The following TDRD10 variants were observed in gnomAD, a reference collection of about 807,000 sequenced individuals.
TDRD10 encodes tudor domain-containing protein 10.
Under a neutral mutation model 48.0 loss-of-function variants are expected in TDRD10, and 40 were observed. The observed-to-expected ratio is 0.83, with a 90% CI of 0.65 to 1.09. The LOEUF is 1.09. Ranked by LOEUF, TDRD10 falls within the 50% of genes least tolerant of loss-of-function variation. The pLI is 0.00. For missense variants in TDRD10, 378 were observed against 434.7 expected, an observed-to-expected ratio of 0.87 and a Z score of 1.16; for synonymous variants, 162 against 170.4, an observed-to-expected ratio of 0.95 and a Z score of 0.38.
At position 154,548,076 on chromosome 1, in the gene TDRD10, T is replaced by G. The variant is rs565303113; in HGVS notation, c.*366T>G. 5.4e-5 allele frequency: 16 copies of G among 296,374 alleles called. No individual in the cohort carries two copies. The Admixed American group carries it at 7.6e-4, about 14-fold the overall frequency. The allele number at this position is 296,374 out of a possible 1,614,324, so 18.4% of individuals were successfully genotyped here. ...TAATGGAGAAGCCCTCTGCTGGTTT[T>G]CCTGGCATTCCATGTAGAATAGGTA... On this transcript the variant is annotated 3_prime_UTR_variant, in exon 13 of 13. Transcript: ENST00000368482.
intron 6 of TDRD10, among the ~76,000 whole-genome samples, chr1:154,540,157 C>G (rs889551674): frequency 3.3e-5 from 5 of 152,192 alleles, no homozygotes. Flanking sequence ...TCACAGTCCT[C>G]AGGTGATTGG....
At chr1:154,544,743 C>A in intron 10 of TDRD10, 52 bp from the exon 11 acceptor site, 1 of 1,593,872 alleles carries the variant, frequency 6.3e-7, no homozygotes, top group Non-Finnish European at 8.6e-7. Context: ...GACTGCTGTG[C>A]ATGGCACTAG....
Position 154,530,666 on chromosome 1 carries a change from T to C in TDRD10, c.369+9187T>C, listed in dbSNP as rs116850321. Among the ~76,000 whole-genome samples, 136 of 152,162 alleles carry C rather than the reference T, an allele frequency of 8.9e-4. 2 individuals are homozygous for C. In the East Asian group the frequency reaches 0.02, roughly 22 times the overall value. On this transcript the variant is annotated intron_variant, in intron 6 of 12. Coordinates refer to ENST00000368482, the MANE Select transcript of TDRD10 (RefSeq NM_182499.4). Reference sequence around the variant, plus strand: ...AGTTTAATTGTGATATGTCTTGGCATTTCTTTGTATTTTTACTGTTGTGGG... The same window carrying C: ...AGTTTAATTGTGATATGTCTTGGCACTTCTTTGTATTTTTACTGTTGTGGG...
At chr1:154,547,105 C>T (rs923778365) in intron 11 of TDRD10, among the ~76,000 whole-genome samples, 88 of 152,158 alleles carry the variant, frequency 5.8e-4, no homozygotes, top group Non-Finnish European at 3.2e-4. Flanking sequence ...GTTCAGTGAA[C>T]GTGATTTTCT....
chr1:154,537,028 G>A (rs1346020700), intron 6 of TDRD10, among the ~76,000 whole-genome samples: 2 of 152,102 alleles, frequency 1.3e-5, no homozygotes, highest in African/African-American at 2.4e-5. Context: ...GCCCTGGGGC[G>A]GCCCCCCAGA....
intron 3 of TDRD10, 81 bp from the exon 4 acceptor site, chr1:154,508,342 C>T (rs901406694): frequency 1.1e-6 from 1 of 948,420 alleles, no homozygotes; most frequent in African/African-American, 1.6e-5. Flanking sequence ...TAGAGAGACC[C>T]TGTCTCTATC....
intron 4 of TDRD10, among the ~76,000 whole-genome samples, chr1:154,519,137 A>G (rs1404752960): frequency 6.6e-6 from 1 of 152,242 alleles, no homozygotes; most frequent in Non-Finnish European, 1.5e-5. Flanking sequence ...AATGGAATAA[A>G]GGATATGAAA....
At chr1:154,503,112 C>G (rs992850629) in intron 1 of TDRD10, 83 bp downstream of exon 1, 3 of 152,296 alleles carry the variant, frequency 2.0e-5, no homozygotes, top group African/African-American at 7.2e-5. Context: ...TGGGAAACGC[C>G]CTCGTCCCGA....
At chr1:154,522,069 C>G (rs1694088325) in intron 6 of TDRD10, among the ~76,000 whole-genome samples, 1 of 152,204 alleles carries the variant, frequency 6.6e-6, no homozygotes, top group South Asian at 2.1e-4. Context: ...AGTGTTAGTG[C>G]TAGAAGCCGA....
At chr1:154,512,478 G>T (rs1215626736) in intron 4 of TDRD10, among the ~76,000 whole-genome samples, 3 of 152,068 alleles carry the variant, frequency 2.0e-5, no homozygotes, top group African/African-American at 7.2e-5. Context: ...CCGAGTAGCT[G>T]GGATTACAGG....
chr1:154,512,011 C>CA (rs1192572807), intron 4 of TDRD10, among the ~76,000 whole-genome samples: 1 of 146,840 alleles, frequency 6.8e-6, no homozygotes, highest in South Asian at 2.3e-4. Flanking sequence ...GCCTGGGTGA[C>CA]AGAGTGAAAC....
chr1:154,517,533 C>T (rs533405304), intron 4 of TDRD10, among the ~76,000 whole-genome samples: 11 of 151,914 alleles, frequency 7.2e-5, no homozygotes, highest in Admixed American at 2.6e-4. Flanking sequence ...AGGGATTCTC[C>T]TGCCTCAGCC....
chr1:154,514,152 C>T (rs1488770037), intron 4 of TDRD10, among the ~76,000 whole-genome samples: 5 of 151,984 alleles, frequency 3.3e-5, no homozygotes, highest in African/African-American at 1.2e-4. Flanking sequence ...GTCACGCCAC[C>T]GCATTCCAGC....
chr1:154,543,832 A>G, intron 8 of TDRD10, 131 bp from the exon 9 acceptor site: 1 of 1,376,080 alleles, frequency 7.3e-7, no homozygotes, highest in Non-Finnish European at 9.9e-7. Flanking sequence ...GGGGGTGGGC[A>G]CAGCCTTTCT....
At chr1:154,534,674 C>T (rs1266877544) in intron 6 of TDRD10, 5 of 152,176 alleles carry the variant, frequency 3.3e-5, no homozygotes, top group Non-Finnish European at 7.3e-5. Context: ...CAGTCAATTT[C>T]CAGAGTCCTG....
At chr1:154,546,056 A>G (rs552763372) in intron 11 of TDRD10, among the ~76,000 whole-genome samples, 3 of 138,772 alleles carry the variant, frequency 2.2e-5, no homozygotes, top group African/African-American at 5.5e-5. Flanking sequence ...TACAGCTGTG[A>G]GCCACCGTGC....
intron 4 of TDRD10, among the ~76,000 whole-genome samples, chr1:154,517,420 CTTTTTTTT>C (rs991043116): frequency 7.2e-6 from 1 of 138,500 alleles, no homozygotes; most frequent in African/African-American, 2.6e-5. Flanking sequence ...GATATTAGAC[CTTTTTTTT>C]TTTTTTTTTT....
At chr1:154,525,379 G>A (rs1400900772) in intron 6 of TDRD10, among the ~76,000 whole-genome samples, 2 of 121,170 alleles carry the variant, frequency 1.7e-5, no homozygotes, top group Non-Finnish European at 3.5e-5. Context: ...GCATTCCTAT[G>A]TAAACAACAC....
chr1:154,523,991 C>G (rs1424571566), intron 6 of TDRD10, among the ~76,000 whole-genome samples: 1 of 152,076 alleles, frequency 6.6e-6, no homozygotes, highest in East Asian at 1.9e-4. Context: ...TCCCATTTCT[C>G]TGCTGGACTT....
Sources: allele counts gnomAD v4.1 joint callset (sites outside exome capture counted in the v4.1 genomes callset), GRCh38; gene constraint gnomAD v4.1.1; transcripts MANE v1.5; gene names NCBI Gene and HGNC (gene_info 2026-07-23, HGNC 2026-07-21).